The following SRCAP variants were observed in gnomAD, a reference collection of about 807,000 sequenced individuals.
SRCAP encodes Snf2 related CREBBP activator protein.
Under a neutral mutation model 263.1 loss-of-function variants are expected in SRCAP, and 46 were observed. That is an observed-to-expected ratio of 0.17 (90% CI 0.14 to 0.22). The LOEUF (loss-of-function observed/expected upper bound fraction) is 0.22, where lower values mean the gene tolerates loss of function less well. Among genes scored for constraint, SRCAP ranks in the 10% least tolerant of loss-of-function variants. SRCAP has a pLI of 1.00. For synonymous variants in SRCAP, 1,813 were observed against 1,662.1 expected (o/e 1.09, Z -2.21); for missense variants, 3,695 against 4,181.9 (o/e 0.88, Z 3.21).
rs2052900176 is a variant in SRCAP at position 30,712,255 on chromosome 16, C to CT, written c.1816-6dup. ...CCATTGTGTTACCTATATTTCCTCTCTGACAGGTAAAGACGCCCATTCCCC... is the reference window on the plus strand; with the variant it reads ...CCATTGTGTTACCTATATTTCCTCTCTTGACAGGTAAAGACGCCCATTCCCC... On this transcript the variant is annotated splice_region_variant and splice_polypyrimidine_tract_variant and intron_variant, in intron 12 of 33. Transcript: ENST00000262518. 1.3e-6 allele frequency: 2 copies of CT among 1,593,048 alleles called. No individual in the cohort carries two copies. The highest frequency in any genetic ancestry group is 1.7e-6 in the Non-Finnish European group (2 of 1,168,952).
Position 30,737,666 on chromosome 16 carries a change from T to C in SRCAP, c.7626T>C (p.Asn2542=), listed in dbSNP as rs1364203117. ...PSVPISASVT[N]LPLGLRPEAE... is the part of the protein sequence containing the mutation. ...TGCCCATCTCTGCCTCAGTCACTAA[T>C]CTCCCCTTGGGCTTGAGGCCTGAGG... The change falls in exon 34 of 34, where the codon AAT becomes AAC. Residue 2542 remains asparagine, a synonymous_variant. Coordinates refer to ENST00000262518, the MANE Select transcript of SRCAP (RefSeq NM_006662.3). The C allele has an allele frequency of 6.2e-7, 1 of 1,614,066 alleles. No homozygotes were observed. Among genetic ancestry groups the C allele is most frequent in the East Asian group, 2.2e-5 (1 of 44,872 alleles).
intron 4 of SRCAP, among the ~76,000 whole-genome samples, chr16:30,705,209 G>A (rs1478758726): frequency 1.3e-5 from 2 of 151,912 alleles, no homozygotes; most frequent in Non-Finnish European, 2.9e-5. Flanking sequence ...GCTGAGGCAG[G>A]GAAATTGCTT....
chr16:30,738,068 G>A lies in SRCAP; in HGVS notation c.8028G>A (p.Glu2676=). ...TGGAGGCTGACAGGACCTCGGAAGA[G>A]CTGACAGAGGCCAAGACCCCAACCT... ...EPLEADRTSE[E]LTEAKTPTSS... The change falls in exon 34 of 34, where the codon GAG becomes GAA. Residue 2676 remains glutamate (E), a synonymous_variant. Transcript: ENST00000262518. The A allele has an allele frequency of 6.2e-7, 1 of 1,614,174 alleles. No individual in the cohort carries two copies. Among genetic ancestry groups the A allele is most frequent in the Non-Finnish European group, 8.5e-7 (1 of 1,180,040 alleles).
At chr16:30,706,528 A>G (rs1389033915) in intron 4 of SRCAP, among the ~76,000 whole-genome samples, 1 of 152,246 alleles carries the variant, frequency 6.6e-6, no homozygotes, top group African/African-American at 2.4e-5. Context: ...CTTTTTAAAT[A>G]AAAGACAATC....
intron 3 of SRCAP, 57 bp downstream of exon 3, chr16:30,700,935 A>G (rs2052758621): frequency 1.7e-5 from 27 of 1,574,002 alleles, no homozygotes; most frequent in Non-Finnish European, 2.3e-5. Context: ...GTTGAGTGTG[A>G]GGCAGAAGAA....
chr16:30,711,819 TG>T lies in SRCAP; in HGVS notation c.1493-14del. The T allele has an allele frequency of 1.2e-6, 2 of 1,612,792 alleles. No homozygotes were observed. The highest frequency in any genetic ancestry group is 1.7e-6 in the Non-Finnish European group (2 of 1,179,058). ...AGCAGGTATGATGAGCAGTAAGCCTTGGTCTTACCCTTTAGACTCTGTGGAG... is the reference window on the plus strand; with the variant it reads ...AGCAGGTATGATGAGCAGTAAGCCTTGTCTTACCCTTTAGACTCTGTGGAG... On this transcript the variant is annotated splice_polypyrimidine_tract_variant and intron_variant, in intron 11 of 33. Coordinates refer to ENST00000262518, the MANE Select transcript of SRCAP (RefSeq NM_006662.3).
rs1230995117 is a variant in SRCAP at position 30,733,960 on chromosome 16, G to A, written c.6561G>A (p.Gly2187=). The A allele has an allele frequency of 2.5e-6, 4 of 1,613,322 alleles. No individual in the cohort carries two copies. Among genetic ancestry groups the A allele is most frequent in the Non-Finnish European group, 3.4e-6 (4 of 1,179,668 alleles). The change falls in exon 30 of 34, where the codon GGG becomes GGA. Residue 2187 remains glycine, a synonymous_variant. Transcript: ENST00000262518. The surrounding 1 kb of genome is among the most constrained non-coding windows in gnomAD (Gnocchi z 5.3). ...LKKANQKRML[G]DMAIEGGNFT... is the part of the protein sequence containing the mutation. ...AGGCAAATCAGAAGAGAATGTTGGG[G>A]GACATGGCCATTGAGGGAGGCAACT... is the stretch of plus-strand genomic sequence containing the variant.
At chr16:30,715,360 TC>T (rs1258304734) in intron 16 of SRCAP, among the ~76,000 whole-genome samples, 1 of 151,102 alleles carries the variant, frequency 6.6e-6, no homozygotes, top group Non-Finnish European at 1.5e-5. Flanking sequence ...GGTCAGGACA[TC>T]AACACCATCC....
At position 30,736,189 on chromosome 16, in the gene SRCAP, C is replaced by T; in HGVS notation, c.6730-11C>T. 1 of 1,613,098 alleles carries T rather than the reference C, an allele frequency of 6.2e-7. No individual in the cohort carries two copies. The highest frequency in any genetic ancestry group is 8.5e-7 in the Non-Finnish European group (1 of 1,179,788). On this transcript the variant is annotated splice_polypyrimidine_tract_variant and intron_variant, in intron 31 of 33. Coordinates refer to ENST00000262518, the MANE Select transcript of SRCAP (RefSeq NM_006662.3). ...TCTCATGTTTTCTTTTTCTTTTATA[C>T]ACCCTGGTAGGCATTGTGTCGGGCA...
chr16:30,711,235 A>T, intron 10 of SRCAP, 147 bp downstream of exon 10: 2 of 684,476 alleles, frequency 2.9e-6, no homozygotes, highest in Non-Finnish European at 5.2e-6. Flanking sequence ...ACCAGTAATG[A>T]TAAGTAGAAA....
At chr16:30,701,362 A>G (rs1304725989) in intron 3 of SRCAP, 1 of 152,782 alleles carries the variant, frequency 6.5e-6, no homozygotes, top group African/African-American at 2.4e-5. Context: ...TTATTGTGTC[A>G]TCCTTGCACA....
In SRCAP at chr16:30,723,759, C is replaced by T. The variant is rs761618440; in HGVS notation, c.4335C>T (p.Thr1445=). ...CTTCACTCCCCATCTCTGTCCCCAC[C>T]ACACTTCCTGCCCCAGCCTCGGCTC... ...LSSSLPISVP[T]TLPAPASAPL... is the part of the protein sequence containing the mutation. Residue 1445 remains threonine (T), a synonymous_variant, in exon 25 of 34, where the codon ACC becomes ACT. Transcript: ENST00000262518. The T allele has an allele frequency of 1.2e-6, 2 of 1,614,092 alleles. No individual in the cohort carries two copies. Among genetic ancestry groups the T allele is most frequent in the Non-Finnish European group, 1.7e-6 (2 of 1,179,996 alleles).
At chr16:30,710,677 A>C in intron 8 of SRCAP, 77 bp from the exon 9 acceptor site, 1 of 1,415,088 alleles carries the variant, frequency 7.1e-7, no homozygotes, top group South Asian at 1.2e-5. Flanking sequence ...TTCTCCTGTG[A>C]CACCTTTTTC....
At position 30,716,589 on chromosome 16, in the gene SRCAP, A is replaced by G. The variant is rs1046182834; in HGVS notation, c.2817+110A>G. The G allele has an allele frequency of 5.3e-6, 5 of 941,296 alleles. No homozygotes were observed. In the East Asian group the frequency reaches 9.8e-5, roughly 18 times the overall value. 58.3% of individuals were successfully genotyped at this position (941,296 alleles called of 1,614,324 possible). On this transcript the variant is annotated intron_variant, in intron 18 of 33. Transcript: ENST00000262518. ...ACTTTTGCATCCTCATGACTCCCCT[A>G]TCATTCCCTTAGTTTTATTGTACTC... is the stretch of plus-strand genomic sequence containing the variant.
chr16:30,720,114 G>A (rs746923648), intron 18 of SRCAP, 48 bp from the exon 19 acceptor site: 2 of 1,577,376 alleles, frequency 1.3e-6, no homozygotes, highest in Non-Finnish European at 1.7e-6. Flanking sequence ...CGTTGCAAAG[G>A]ATGTGATTTT....
At chr16:30,709,489 C>T (rs2052865112) in intron 6 of SRCAP, 24 bp from the exon 7 acceptor site, 1 of 1,611,788 alleles carries the variant, frequency 6.2e-7, no homozygotes, top group South Asian at 1.1e-5. Flanking sequence ...TCTTGGTGAG[C>T]AGTCCCTTTC....
At chr16:30,721,830 G>A (rs1487635802) in intron 21 of SRCAP, among the ~76,000 whole-genome samples, 2 of 152,238 alleles carry the variant, frequency 1.3e-5, no homozygotes, top group African/African-American at 2.4e-5. Context: ...CAGTAGAAAA[G>A]TATTGGGGTA....
rs771606237 is a variant in SRCAP at position 30,736,408 on chromosome 16, C to T, written c.6924+14C>T. 3.1e-6 allele frequency: 5 copies of T among 1,605,542 alleles called. No homozygotes were observed. The highest frequency in any genetic ancestry group is 4.3e-6 in the Non-Finnish European group (5 of 1,174,098). On this transcript the variant is annotated intron_variant, in intron 32 of 33. Transcript: ENST00000262518. ...CTCGTAGAACAGGTCAGTGCTGGAC[C>T]CACTAGTTCTTGACTTTACTGCTTC...
chr16:30,706,888 G>A (rs1304409533), intron 4 of SRCAP, among the ~76,000 whole-genome samples: 1 of 152,108 alleles, frequency 6.6e-6, no homozygotes, highest in Non-Finnish European at 1.5e-5. Flanking sequence ...AATGGAAAGA[G>A]CATGAAATTT....
Sources: gnomAD v4.1 joint callset for allele counts (sites outside exome capture counted in the v4.1 genomes callset) on GRCh38, gnomAD v4.1.1 for gene constraint, Gnocchi (gnomAD v3.1) non-coding constraint, MANE v1.5 for transcripts, NCBI Gene and HGNC (gene_info 2026-07-23, HGNC 2026-07-21) for gene names.